The following GOT1 variants were observed in gnomAD, a reference collection of about 807,000 sequenced individuals.
The protein encoded by GOT1 is aspartate aminotransferase, cytoplasmic.
Under a neutral mutation model 48.2 loss-of-function variants are expected in GOT1, and 25 were observed. The ratio of observed to expected loss-of-function variants is 0.52; its 90% CI spans 0.38 to 0.72. GOT1 has a LOEUF of 0.72. GOT1 is among the 30% of genes least tolerant of loss of function. GOT1 has a pLI of 0.00. For missense variants in GOT1, 380 were observed against 520.1 expected, an observed-to-expected ratio of 0.73 and a Z score of 2.62; for synonymous variants, 188 against 193.8, an observed-to-expected ratio of 0.97 and a Z score of 0.25.
intron 8 of GOT1, among the ~76,000 whole-genome samples, chr10:99,400,357 C>T (rs1334715933): frequency 6.6e-6 from 1 of 152,202 alleles, no homozygotes; most frequent in African/African-American, 2.4e-5. Flanking sequence ...ATGTTTAAAA[C>T]TTTTCTGGCC....
intron 2 of GOT1, among the ~76,000 whole-genome samples, chr10:99,414,851 T>C (rs2032873213): frequency 6.7e-6 from 1 of 149,932 alleles, no homozygotes; most frequent in Admixed American, 6.6e-5. Flanking sequence ...ACTGGGTACA[T>C]AACGAAATGA....
intron 2 of GOT1, among the ~76,000 whole-genome samples, chr10:99,409,527 A>G (rs1042303833): frequency 2.6e-5 from 4 of 152,206 alleles, no homozygotes; most frequent in African/African-American, 9.7e-5. Context: ...AACAAAAGGG[A>G]AAAAAGTAGA....
In GOT1 at chr10:99,402,635, C is replaced by A. The variant is rs1249594323; in HGVS notation, c.1047G>T (p.Gly349=). ...RARLEALKTP[G]TWNHITDQIG... is the part of the protein sequence containing the mutation. ...TTTGATCAGTGATGTGGTTCCAGGT[C>A]CCAGGGGTTTTGAGGGCTTCTAGTC... Residue 349 remains glycine, a synonymous_variant, in exon 8 of 9, where the codon GGG becomes GGT. Coordinates refer to ENST00000370508, the MANE Select transcript of GOT1 (RefSeq NM_002079.3). The A allele has an allele frequency of 6.2e-7, 1 of 1,614,104 alleles. No individual in the cohort carries two copies. The highest frequency in any genetic ancestry group is 1.1e-5 in the South Asian group (1 of 91,078).
At chr10:99,408,657 T>G (rs1011554073) in intron 2 of GOT1, among the ~76,000 whole-genome samples, 7 of 152,124 alleles carry the variant, frequency 4.6e-5, no homozygotes, top group African/African-American at 1.7e-4. Flanking sequence ...AGGCAGAGGT[T>G]GCAGTGAGCC....
chr10:99,403,877 G>A lies in GOT1; in HGVS notation c.643-3C>T. The A allele has an allele frequency of 6.2e-7, 1 of 1,613,262 alleles. No homozygotes were observed. Among genetic ancestry groups the A allele is most frequent in the Non-Finnish European group, 8.5e-7 (1 of 1,180,022 alleles). ...AAGAAGGGGAACAGAAACCGGTGCT[G>A]CGGGGAAGCAAAGTGAGTCAGGGCA... On this transcript the variant is annotated splice_region_variant and splice_polypyrimidine_tract_variant and intron_variant, in intron 5 of 8. Transcript: ENST00000370508.
intron 1 of GOT1, among the ~76,000 whole-genome samples, chr10:99,421,340 G>A (rs989782519): frequency 6.6e-6 from 1 of 152,108 alleles, no homozygotes; most frequent in African/African-American, 2.4e-5. Flanking sequence ...TTGTCCCAGA[G>A]GAACAGAAAT....
At chr10:99,414,889 C>T (rs1461522509) in intron 2 of GOT1, among the ~76,000 whole-genome samples, 2 of 151,980 alleles carry the variant, frequency 1.3e-5, no homozygotes, top group Admixed American at 1.3e-4. Context: ...TTCTTTGAAA[C>T]CACCGAGAAC....
chr10:99,417,927 G>C (rs905112367), intron 2 of GOT1, among the ~76,000 whole-genome samples: 4 of 152,038 alleles, frequency 2.6e-5, no homozygotes, highest in African/African-American at 9.7e-5. Context: ...GGGAAGGATA[G>C]CATTAGGAGA....
intron 1 of GOT1, among the ~76,000 whole-genome samples, chr10:99,428,030 TG>T (rs2033063187): frequency 6.6e-6 from 1 of 152,246 alleles, no homozygotes; most frequent in African/African-American, 2.4e-5. Context: ...TCTGAGTCAA[TG>T]ACTCCAATTC....
At chr10:99,408,688 C>T (rs2134100260) in intron 2 of GOT1, among the ~76,000 whole-genome samples, 1 of 152,300 alleles carries the variant, frequency 6.6e-6, no homozygotes, top group African/African-American at 2.4e-5. Context: ...CACTGCCCTC[C>T]AGCCTGGGCA....
At chr10:99,409,337 T>C (rs2032802598) in intron 2 of GOT1, among the ~76,000 whole-genome samples, 1 of 147,718 alleles carries the variant, frequency 6.8e-6, no homozygotes, top group African/African-American at 2.6e-5. Context: ...TTCACCATGT[T>C]GGTCAGGCTG....
intron 8 of GOT1, among the ~76,000 whole-genome samples, chr10:99,401,130 G>A (rs894701787): frequency 1.3e-5 from 2 of 152,182 alleles, no homozygotes; most frequent in African/African-American, 4.8e-5. Flanking sequence ...TTTACAGGGA[G>A]ACATTCCCAT....
chr10:99,406,206 A>G lies in GOT1; in HGVS notation c.468T>C (p.Ile156=). The G allele has an allele frequency of 6.2e-7, 1 of 1,614,066 alleles. No homozygotes were observed. The highest frequency in any genetic ancestry group is 8.5e-7 in the Non-Finnish European group (1 of 1,179,912). The change falls in exon 4 of 9, where the codon ATT becomes ATC. Residue 156 remains isoleucine, a synonymous_variant. Coordinates refer to ENST00000370508, the MANE Select transcript of GOT1 (RefSeq NM_002079.3). ...AVFSAAGFKD[I]RSYRYWDAEK... The stretch of plus-strand genomic sequence containing the variant: ...CTGCATCCCAGTAGCGATAGGACCG[A>G]ATGTCTTTAAAACCAGCAGCGGAAA...
chr10:99,406,555 C>T (rs1009045288), intron 3 of GOT1, among the ~76,000 whole-genome samples, 171 bp downstream of exon 3: 1 of 152,174 alleles, frequency 6.6e-6, no homozygotes. Context: ...GTATTCTTAA[C>T]TTGATTTTGA....
chr10:99,401,847 G>A (rs192724531), intron 8 of GOT1, among the ~76,000 whole-genome samples: 67 of 150,408 alleles, frequency 4.5e-4, no homozygotes, highest in South Asian at 1.1e-3. Context: ...TCGCTCTGTC[G>A]CCCAGGCTGG....
intron 1 of GOT1, among the ~76,000 whole-genome samples, chr10:99,424,236 C>G (rs1031380229): frequency 6.6e-6 from 1 of 152,138 alleles, no homozygotes; most frequent in South Asian, 2.1e-4. Context: ...AAATCTTTGT[C>G]CTTTGAAAGT....
At chr10:99,403,931 A>G in intron 5 of GOT1, 57 bp from the exon 6 acceptor site, 2 of 1,569,200 alleles carry the variant, frequency 1.3e-6, no homozygotes, top group South Asian at 1.1e-5. Flanking sequence ...AACCTCAGAC[A>G]CCGGCCTTCC....
chr10:99,402,475 A>G (rs2032693422), intron 8 of GOT1, 105 bp downstream of exon 8: 17 of 1,255,800 alleles, frequency 1.4e-5, no homozygotes, highest in Non-Finnish European at 1.8e-5. Context: ...TGGCTGCCCA[A>G]TTAGGCAAAG....
Position 99,406,181 on chromosome 10 carries a change from CTG to C in GOT1, c.491_492del (p.Ala164GlyfsTer13). On this transcript the variant is annotated frameshift_variant, in exon 4 of 9. Coordinates refer to ENST00000370508, the MANE Select transcript of GOT1 (RefSeq NM_002079.3). LOFTEE classifies it high-confidence loss of function. Reference sequence around the variant, plus strand: ...CCCTGGAGGTCCAATCCTCTCTTCTCTGCATCCCAGTAGCGATAGGACCGAAT... The same window carrying C: ...CCCTGGAGGTCCAATCCTCTCTTCTCCATCCCAGTAGCGATAGGACCGAAT... The part of the protein sequence containing the change: ...KDIRSYRYWD[A>X]EKRGLDLQGF... 1 of 1,613,930 alleles carries C rather than the reference CTG, an allele frequency of 6.2e-7. No homozygotes were observed.
Sources: allele counts gnomAD v4.1 joint callset (sites outside exome capture counted in the v4.1 genomes callset), GRCh38; gene constraint gnomAD v4.1.1; transcripts MANE v1.5; gene names NCBI Gene and HGNC (gene_info 2026-07-23, HGNC 2026-07-21).